OSBPL10: variants seen among roughly 807,000 people sequenced by gnomAD.
The protein encoded by OSBPL10 is oxysterol-binding protein-related protein 10.
In OSBPL10, 49 loss-of-function variants were observed where a neutral mutation model predicts 81.7. The observed-to-expected ratio is 0.60, with a 90% CI of 0.48 to 0.76. The LOEUF is 0.76. Among genes scored for constraint, OSBPL10 ranks in the 30% least tolerant of loss-of-function variants. The probability of loss-of-function intolerance (pLI) is 0.00; values close to 1 mark genes in which losing one functional copy is unlikely to be tolerated. For synonymous variants in OSBPL10, 419 were observed against 383.6 expected (o/e 1.09, Z -1.08); for missense variants, 923 against 987.8 (o/e 0.93, Z 0.88).
intron 2 of OSBPL10, among the ~76,000 whole-genome samples, chr3:32,043,468 A>T (rs1403814676): frequency 6.6e-6 from 1 of 152,242 alleles, no homozygotes; most frequent in Non-Finnish European, 1.5e-5. Flanking sequence ...GATGACGTAC[A>T]TCCTCAGCTT....
At chr3:31,682,462 G>A (rs1056797269) in intron 8 of OSBPL10, among the ~76,000 whole-genome samples, 1 of 152,176 alleles carries the variant, frequency 6.6e-6, no homozygotes, top group African/African-American at 2.4e-5. Flanking sequence ...CCGTGCCAGG[G>A]ACATTTTACC....
chr3:31,727,744 C>T (rs1402814547), intron 6 of OSBPL10, among the ~76,000 whole-genome samples: 1 of 152,074 alleles, frequency 6.6e-6, no homozygotes, highest in Admixed American at 6.6e-5. Context: ...ACATATTAAC[C>T]TTGTTCATCT....
At position 31,748,049 on chromosome 3, in the gene OSBPL10, G is replaced by A; in HGVS notation, c.801C>T (p.Pro267=). ...HAIESLPGSG[P]LTALDQDLLL... is the part of the protein sequence containing the mutation. ...GCAGGTCCTGGTCCAAGGCAGTGAG[G>A]GGGCCGGACCCTGGCAGGGACTCAA... The change falls in exon 5 of 12, where the codon CCC becomes CCT. Residue 267 remains proline (P), a synonymous_variant. Coordinates refer to ENST00000396556, the MANE Select transcript of OSBPL10 (RefSeq NM_017784.5). 1.9e-6 allele frequency: 3 copies of A among 1,614,188 alleles called. No homozygotes were observed. The highest frequency in any genetic ancestry group is 2.5e-6 in the Non-Finnish European group (3 of 1,180,038).
chr3:32,051,466 T>C (rs1484704303), intron 1 of OSBPL10, among the ~76,000 whole-genome samples: 1 of 152,220 alleles, frequency 6.6e-6, no homozygotes, highest in African/African-American at 2.4e-5. Flanking sequence ...TCTTTGATGT[T>C]TGGATTAGAG....
intron 7 of OSBPL10, among the ~76,000 whole-genome samples, chr3:31,690,088 G>C (rs1695483037): frequency 6.6e-6 from 1 of 151,926 alleles, no homozygotes; most frequent in South Asian, 2.1e-4. Context: ...TATGGGAGTT[G>C]ATATGGTTTG....
chr3:31,810,774 T>A (rs7622959), intron 4 of OSBPL10, among the ~76,000 whole-genome samples: 27,232 of 152,114 alleles, frequency 0.18, 4,267 homozygotes, highest in African/African-American at 0.43. Context: ...GCAAAAGGTT[T>A]GACGGCACAG....
chr3:31,931,248 A>T (rs188048226), intron 1 of OSBPL10, among the ~76,000 whole-genome samples: 4 of 152,178 alleles, frequency 2.6e-5, no homozygotes, highest in African/African-American at 9.6e-5. Context: ...TTCAAATTAA[A>T]TTTTTAAAAA....
intron 1 of OSBPL10, among the ~76,000 whole-genome samples, chr3:31,935,242 C>T (rs1240313579): frequency 6.6e-6 from 1 of 152,080 alleles, no homozygotes; most frequent in Non-Finnish European, 1.5e-5. Flanking sequence ...ATAATTTTTG[C>T]CACCCAGAGC....
intron 1 of OSBPL10, among the ~76,000 whole-genome samples, chr3:31,963,581 CA>C (rs1354353483): frequency 6.6e-6 from 1 of 152,108 alleles, no homozygotes; most frequent in Non-Finnish European, 1.5e-5. Flanking sequence ...CACACCCACC[CA>C]AAGAGGCGCC....
rs57256301 is a variant in OSBPL10 at position 31,930,003 on chromosome 3, C to CAAAAAAAAAAAAAAA, written c.282-50188_282-50174dup. Among the ~76,000 whole-genome samples the CAAAAAAAAAAAAAAA allele has an allele frequency of 4.1e-5, 3 of 72,574 alleles. 1 individual carries two copies. Among genetic ancestry groups the CAAAAAAAAAAAAAAA allele is most frequent in the African/African-American group, 5.3e-5 (1 of 18,734 alleles). 47.6% of individuals were successfully genotyped at this position (72,574 alleles called of 152,430 possible). On this transcript the variant is annotated intron_variant, in intron 1 of 11. Coordinates refer to ENST00000396556, the MANE Select transcript of OSBPL10 (RefSeq NM_017784.5). Reference sequence around the variant, plus strand: ...GATCAAGTGAGACCCTGTCACCAACCAAAAAAAAAAAAAAAAAAAAAAACA... The same window carrying CAAAAAAAAAAAAAAA: ...GATCAAGTGAGACCCTGTCACCAACCAAAAAAAAAAAAAAAAAAAAAAAAAAAAAAAAAAAAAACA...
At chr3:31,910,167 G>A (rs564662501) in intron 1 of OSBPL10, among the ~76,000 whole-genome samples, 9 of 151,936 alleles carry the variant, frequency 5.9e-5, no homozygotes, top group Admixed American at 1.3e-4. Flanking sequence ...TTTTAGTAGA[G>A]ACAGGGTTTC....
intron 3 of OSBPL10, among the ~76,000 whole-genome samples, chr3:31,838,308 A>G (rs1299225440): frequency 1.3e-5 from 2 of 152,102 alleles, no homozygotes; most frequent in Non-Finnish European, 2.9e-5. Context: ...CAGGAGATCG[A>G]GACCATCCTG....
chr3:31,884,212 A>G (rs1695669944), intron 1 of OSBPL10, among the ~76,000 whole-genome samples: 1 of 152,252 alleles, frequency 6.6e-6, no homozygotes, highest in Non-Finnish European at 1.5e-5. Context: ...CACATTAACT[A>G]TTTCAAACTG....
At chr3:31,916,239 G>A (rs1696755016) in intron 1 of OSBPL10, among the ~76,000 whole-genome samples, 1 of 152,038 alleles carries the variant, frequency 6.6e-6, no homozygotes, top group Admixed American at 6.6e-5. Flanking sequence ...CACTGATACT[G>A]GCTTCTACAT....
chr3:31,833,762 T>C (rs12186070), intron 3 of OSBPL10, among the ~76,000 whole-genome samples: 33,728 of 150,686 alleles, frequency 0.22, 3,976 homozygotes, highest in Middle Eastern at 0.25. Context: ...TAATTCTGAG[T>C]AGAAATGAGG....
chr3:31,700,620 A>G (rs1159201334), intron 7 of OSBPL10, among the ~76,000 whole-genome samples: 2 of 152,124 alleles, frequency 1.3e-5, no homozygotes, highest in Non-Finnish European at 2.9e-5. Context: ...TGGTGGCCTG[A>G]CCTCCACTAA....
At chr3:31,679,884 A>G (rs973232731) in intron 8 of OSBPL10, among the ~76,000 whole-genome samples, 3 of 152,212 alleles carry the variant, frequency 2.0e-5, no homozygotes, top group African/African-American at 7.2e-5. Flanking sequence ...ATAAAAATCA[A>G]TGTGAACATA....
At chr3:31,807,584 A>C (rs1699554029) in intron 4 of OSBPL10, among the ~76,000 whole-genome samples, 1 of 151,698 alleles carries the variant, frequency 6.6e-6, no homozygotes, top group Non-Finnish European at 1.5e-5. Context: ...AAAAAAAAAA[A>C]AAAATTAGCG....
intron 1 of OSBPL10, among the ~76,000 whole-genome samples, chr3:32,068,853 T>C (rs943200959): frequency 2.0e-5 from 3 of 152,054 alleles, no homozygotes; most frequent in Non-Finnish European, 2.9e-5. Flanking sequence ...CTTCCTTTTT[T>C]ACTAACCCAT....
Sources: allele counts gnomAD v4.1 joint callset (sites outside exome capture counted in the v4.1 genomes callset), GRCh38; gene constraint gnomAD v4.1.1; transcripts MANE v1.5; gene names NCBI Gene and HGNC (gene_info 2026-07-23, HGNC 2026-07-21).